Variants in SASH1 observed in about 807,000 individuals in gnomAD.
The protein encoded by SASH1 is SAM and SH3 domain-containing protein 1.
In SASH1, 44 loss-of-function variants were observed where a neutral mutation model predicts 125.2. That is an observed-to-expected ratio of 0.35 (90% CI 0.28 to 0.45). The LOEUF (loss-of-function observed/expected upper bound fraction) is 0.45. SASH1 is among the 20% of genes least tolerant of loss of function. SASH1 has a pLI of 1.00. For synonymous variants in SASH1, 639 were observed against 649.1 expected, an observed-to-expected ratio of 0.98 and a Z score of 0.24; for missense variants, 1,426 against 1,614.5, an observed-to-expected ratio of 0.88 and a Z score of 2.00.
the SASH1 span, among the ~76,000 whole-genome samples, chr6:148,243,255 G>A: frequency 3.3e-5 from 5 of 151,950 alleles, no homozygotes; most frequent in African/African-American, 7.3e-5. Flanking sequence ...GTTCAAGACC[G>A]GCCTGACCAA....
rs1444971052 is a variant in SASH1, at chr6:148,421,138, GAAGGAAGGAAGAAAGA to G, written c.286-19042_286-19027del. On this transcript the variant is annotated intron_variant, in intron 2 of 19. Coordinates refer to ENST00000367467, the MANE Select transcript of SASH1 (RefSeq NM_015278.5). ...AAAAGAAAGGAAGAAAGGAAGGAAG[GAAGGAAGGAAGAAAGA>G]AAGAAAGAAAGAAAGAAAGAAAGAA... Among the ~76,000 whole-genome samples, 226 of 54,138 alleles carry G rather than the reference GAAGGAAGGAAGAAAGA, an allele frequency of 4.2e-3. 3 individuals are homozygous for G. The highest frequency in any genetic ancestry group is 0.013 in the African/African-American group (194 of 15,420). 35.5% of individuals were successfully genotyped at this position (54,138 alleles called of 152,430 possible). A position where few individuals can be genotyped will look rare whatever the true frequency, so the allele number is the denominator to read the frequency against.
intron 1 of SASH1, among the ~76,000 whole-genome samples, chr6:148,351,496 C>A (rs1288242572): frequency 6.6e-6 from 1 of 151,970 alleles, no homozygotes; most frequent in Non-Finnish European, 1.5e-5. Context: ...CCACCCATCA[C>A]TCTGCCTGGT....
At chr6:148,298,718 A>AAGGG (rs1209995361) in intron 1 of SASH1, among the ~76,000 whole-genome samples, 4 of 90,610 alleles carry the variant, frequency 4.4e-5, no homozygotes, top group African/African-American at 1.5e-4. Flanking sequence ...AGGAAGAAGG[A>AAGGG]AGGGAAAGGA....
chr6:148,253,377 CT>C, the SASH1 span, among the ~76,000 whole-genome samples: 2 of 152,110 alleles, frequency 1.3e-5, no homozygotes, highest in Non-Finnish European at 2.9e-5. Context: ...AAGAATAAAG[CT>C]GGACCCCTAC....
intron 11 of SASH1, among the ~76,000 whole-genome samples, chr6:148,526,080 A>C (rs1414645828): frequency 9.9e-6 from 1 of 101,252 alleles, no homozygotes; most frequent in Admixed American, 1.4e-4. Context: ...TTTTTTTAAG[A>C]TGGAGTCTCG....
At chr6:148,307,039 T>C (rs1780150100) in intron 1 of SASH1, among the ~76,000 whole-genome samples, 1 of 93,950 alleles carries the variant, frequency 1.1e-5, no homozygotes. Flanking sequence ...TTTCTTTCTT[T>C]CTTTCTTTCT....
chr6:148,387,584 CTTTCTTTCTTTCT>C (rs1562370926), intron 1 of SASH1, among the ~76,000 whole-genome samples: 9 of 6,610 alleles, frequency 1.4e-3, no homozygotes, highest in Non-Finnish European at 1.9e-3. Flanking sequence ...TTCTTTCTTT[CTTTCTTTCTTTCT>C]TTCTTTCTTT....
chr6:148,232,568 A>T, the SASH1 span, among the ~76,000 whole-genome samples: 1 of 152,220 alleles, frequency 6.6e-6, no homozygotes, highest in African/African-American at 2.4e-5. Flanking sequence ...ATTTGAGCTG[A>T]CAGTAAAACA....
chr6:148,402,711 T>C (rs763148304), intron 2 of SASH1, among the ~76,000 whole-genome samples: 3 of 150,736 alleles, frequency 2.0e-5, no homozygotes, highest in Non-Finnish European at 4.4e-5. Context: ...GCCTCCCGGG[T>C]TCACACCATT....
chr6:148,363,130 C>A (rs9485287), intron 1 of SASH1, among the ~76,000 whole-genome samples: 47,529 of 151,938 alleles, frequency 0.31, 7,611 homozygotes, highest in African/African-American at 0.37. Context: ...TGCAAAGGAA[C>A]CTTGGTGGTG....
intron 2 of SASH1, among the ~76,000 whole-genome samples, chr6:148,430,309 A>G (rs1776010372): frequency 6.6e-6 from 1 of 152,086 alleles, no homozygotes; most frequent in Non-Finnish European, 1.5e-5. Context: ...TCCTGTCAGT[A>G]TTGTGTTTCC....
chr6:148,467,546 A>T (rs1484421691), intron 4 of SASH1, among the ~76,000 whole-genome samples: 1 of 152,158 alleles, frequency 6.6e-6, no homozygotes, highest in Admixed American at 6.6e-5. Flanking sequence ...TGGGAGGCAA[A>T]TTCGATGCCC....
intron 4 of SASH1, among the ~76,000 whole-genome samples, chr6:148,455,885 G>A (rs1179315653): frequency 6.6e-6 from 1 of 152,126 alleles, no homozygotes; most frequent in East Asian, 1.9e-4. Flanking sequence ...GAGAGGAAGG[G>A]CCCTCCATGC....
intron 1 of SASH1, among the ~76,000 whole-genome samples, chr6:148,350,137 G>A (rs367761016): frequency 3.3e-5 from 5 of 152,018 alleles, no homozygotes; most frequent in African/African-American, 7.2e-5. Context: ...GAGCCACCGC[G>A]CCCGGCAGAT....
At chr6:148,442,243 C>T (rs925684802) in intron 4 of SASH1, among the ~76,000 whole-genome samples, 1 of 151,692 alleles carries the variant, frequency 6.6e-6, no homozygotes, top group Non-Finnish European at 1.5e-5. Context: ...CCCCCCGCCC[C>T]CAGCCCCCCC....
At chr6:148,484,076 A>G (rs1778737901) in intron 7 of SASH1, among the ~76,000 whole-genome samples, 2 of 152,312 alleles carry the variant, frequency 1.3e-5, no homozygotes, top group South Asian at 4.1e-4. Flanking sequence ...TAAAATCTCT[A>G]CTGAGGACAG....
intron 1 of SASH1, among the ~76,000 whole-genome samples, chr6:148,302,595 TACACACAC>T (rs66830113): frequency 1.6e-4 from 23 of 147,842 alleles, no homozygotes; most frequent in Middle Eastern, 3.5e-3. Context: ...TATGCACACA[TACACACAC>T]ACACACACAC....
At chr6:148,280,281 A>G (rs752254708) in intron 1 of SASH1, 1 of 151,392 alleles carries the variant, frequency 6.6e-6, no homozygotes, top group Non-Finnish European at 1.5e-5. Flanking sequence ...AAGAGCAGTT[A>G]CCTTCGAAGT....
the SASH1 span, among the ~76,000 whole-genome samples, chr6:148,245,481 A>G: frequency 6.6e-6 from 1 of 152,232 alleles, no homozygotes; most frequent in Non-Finnish European, 1.5e-5. Context: ...ATTTGGAAGC[A>G]TTAAGTTAGA....
Sources: allele counts gnomAD v4.1 joint callset (sites outside exome capture counted in the v4.1 genomes callset), GRCh38; gene constraint gnomAD v4.1.1; transcripts MANE v1.5; gene names NCBI Gene and HGNC (gene_info 2026-07-23, HGNC 2026-07-21).